The following UBE2H variants were observed in gnomAD, a reference collection of about 807,000 sequenced individuals.
UBE2H encodes the protein ubiquitin conjugating enzyme E2 H, also known as ubiquitin-conjugating enzyme E2 H.
UBE2H carries 3 observed loss-of-function variants against 29.0 expected under a neutral mutation model. The observed-to-expected ratio is 0.10, with a 90% CI of 0.05 to 0.27. The LOEUF is 0.27. UBE2H is among the 10% of genes least tolerant of loss of function. The probability of loss-of-function intolerance (pLI) is 1.00; values close to 1 mark genes in which losing one functional copy is unlikely to be tolerated. For missense variants in UBE2H, 68 were observed against 228.2 expected (o/e 0.30, Z 4.52); for synonymous variants, 69 against 82.9 (o/e 0.83, Z 0.91).
rs35593803 is a variant in UBE2H at position 129,936,593 on chromosome 7, C to CAA, written c.53+15908_53+15909dup. Among the ~76,000 whole-genome samples the CAA allele has an allele frequency of 4.6e-3, 550 of 119,508 alleles. 4 individuals carry two copies. The highest frequency in any genetic ancestry group is 0.017 in the African/African-American group (521 of 30,560). The allele number at this position is 119,508 out of a possible 152,430, so 78.4% of individuals were successfully genotyped here. ...TGGGTGACACAGCCAGACTCCATCT[C>CAA]AAAAAAAAAAAAAAAATAGAATTTC... On this transcript the variant is annotated intron_variant, in intron 1 of 6. Coordinates refer to ENST00000355621, the MANE Select transcript of UBE2H (RefSeq NM_003344.4).
intron 1 of UBE2H, among the ~76,000 whole-genome samples, chr7:129,885,858 T>C (rs1158191984): frequency 6.6e-6 from 1 of 152,204 alleles, no homozygotes; most frequent in African/African-American, 2.4e-5. Flanking sequence ...ACTGAATGAA[T>C]GACTTGCCAC....
At chr7:129,839,764 G>A (rs1805393596) in intron 5 of UBE2H, 2 of 209,808 alleles carry the variant, frequency 9.5e-6, no homozygotes, top group South Asian at 6.6e-5. Context: ...AGGCTGGAGT[G>A]CAGTGGTGCA....
chr7:129,949,035 G>C (rs1203928245), intron 1 of UBE2H: 1 of 456,598 alleles, frequency 2.2e-6, no homozygotes. Context: ...GCTGAGGAGC[G>C]GTGCCTGCGG....
intron 3 of UBE2H, among the ~76,000 whole-genome samples, chr7:129,872,803 G>A (rs936732070): frequency 4.9e-5 from 6 of 121,222 alleles, no homozygotes; most frequent in Non-Finnish European, 8.0e-5. Flanking sequence ...CAATGGTGCT[G>A]CCACTGCACT....
At chr7:129,906,442 T>G (rs975731024) in intron 1 of UBE2H, among the ~76,000 whole-genome samples, 4 of 152,078 alleles carry the variant, frequency 2.6e-5, no homozygotes, top group Non-Finnish European at 5.9e-5. Flanking sequence ...TGGCCTCATG[T>G]GATCCACCCA....
At chr7:129,920,564 T>C (rs540308116) in intron 1 of UBE2H, among the ~76,000 whole-genome samples, 4 of 151,964 alleles carry the variant, frequency 2.6e-5, no homozygotes, top group Non-Finnish European at 4.4e-5. Context: ...TATATTTATA[T>C]AAACATACAA....
chr7:129,918,289 T>C (rs1264196248), intron 1 of UBE2H, among the ~76,000 whole-genome samples: 3 of 151,960 alleles, frequency 2.0e-5, no homozygotes, highest in Non-Finnish European at 4.4e-5. Context: ...ACTTGCTACA[T>C]ACAATGTAGC....
intron 3 of UBE2H, among the ~76,000 whole-genome samples, chr7:129,872,471 T>A (rs1806058461): frequency 6.6e-6 from 1 of 152,160 alleles, no homozygotes; most frequent in Admixed American, 6.5e-5. Context: ...AAATGTATAA[T>A]GCCTGAACAG....
chr7:129,926,663 A>G (rs1807276839), intron 1 of UBE2H, among the ~76,000 whole-genome samples: 1 of 152,130 alleles, frequency 6.6e-6, no homozygotes, highest in Admixed American at 6.6e-5. Context: ...CCACAAATCC[A>G]TTCACTGTCT....
At chr7:129,866,823 G>C (rs190539309) in intron 3 of UBE2H, among the ~76,000 whole-genome samples, 1 of 152,216 alleles carries the variant, frequency 6.6e-6, no homozygotes, top group Non-Finnish European at 1.5e-5. Flanking sequence ...TCATCTCTTT[G>C]CCTTTCTGTT....
chr7:129,854,797 AT>A (rs1805675399), intron 5 of UBE2H, among the ~76,000 whole-genome samples: 1 of 152,248 alleles, frequency 6.6e-6, no homozygotes, highest in Non-Finnish European at 1.5e-5. Context: ...AAAGACAGCA[AT>A]AACCCAAATG....
At chr7:129,902,492 T>A (rs1806736776) in intron 1 of UBE2H, among the ~76,000 whole-genome samples, 1 of 152,050 alleles carries the variant, frequency 6.6e-6, no homozygotes, top group South Asian at 2.1e-4. Context: ...AGAGCGAGAC[T>A]CCATCTCAAA....
chr7:129,855,577 C>T (rs147556522), intron 5 of UBE2H, among the ~76,000 whole-genome samples: 5 of 152,320 alleles, frequency 3.3e-5, no homozygotes, highest in African/African-American at 1.2e-4. Context: ...AACAAATAGT[C>T]GAACCCTTAT....
At chr7:129,847,039 AG>A (rs1175125531) in intron 5 of UBE2H, among the ~76,000 whole-genome samples, 1 of 147,116 alleles carries the variant, frequency 6.8e-6, no homozygotes, top group African/African-American at 2.5e-5. Context: ...TTATTTTTTG[AG>A]ACGGAGTCTC....
chr7:129,838,832 T>C (rs1805375911), intron 6 of UBE2H, among the ~76,000 whole-genome samples: 1 of 151,988 alleles, frequency 6.6e-6, no homozygotes, highest in Non-Finnish European at 1.5e-5. Context: ...AGAGATGGGG[T>C]TTCACCATGT....
intron 3 of UBE2H, among the ~76,000 whole-genome samples, chr7:129,874,636 A>AT (rs951653258): frequency 4.0e-5 from 6 of 151,466 alleles, no homozygotes; most frequent in Middle Eastern, 3.4e-3. Flanking sequence ...AGACTTTTAT[A>AT]TTTTTTTTCC....
intron 1 of UBE2H, among the ~76,000 whole-genome samples, chr7:129,947,853 G>A (rs1457588635): frequency 6.6e-6 from 1 of 151,952 alleles, no homozygotes; most frequent in East Asian, 1.9e-4. Context: ...CCAAACATAT[G>A]AGGATTTTTT....
rs141287358 is a variant in UBE2H, at chr7:129,879,575, T to C, written c.198A>G (p.Pro66=). Reference sequence around the variant, plus strand: ...AACCAAGTAGTAACATACCTATAGATGGAGATTTGAAAGGGTATTTATCAG... The same window carrying C: ...AACCAAGTAGTAACATACCTATAGACGGAGATTTGAAAGGGTATTTATCAG... The part of the protein sequence containing the change: ...DLPDKYPFKS[P]SIGFMNKIFH... Residue 66 remains proline (P), a synonymous_variant, in exon 3 of 7, where the codon CCA becomes CCG. Transcript: ENST00000355621. 3.0e-5 allele frequency: 49 copies of C among 1,612,050 alleles called. No homozygotes were observed. In the East Asian group the frequency reaches 3.1e-4, roughly 10 times the overall value.
intron 3 of UBE2H, among the ~76,000 whole-genome samples, chr7:129,868,935 CTTTT>C (rs34258788): frequency 1.7e-5 from 2 of 119,830 alleles, no homozygotes; most frequent in East Asian, 2.3e-4. Context: ...CTCTCTCTCT[CTTTT>C]TTTTTTTTTT....
Sources: gnomAD v4.1 joint callset for allele counts (sites outside exome capture counted in the v4.1 genomes callset) on GRCh38, gnomAD v4.1.1 for gene constraint, MANE v1.5 for transcripts, NCBI Gene and HGNC (gene_info 2026-07-23, HGNC 2026-07-21) for gene names.